The following SULT1B1 variants were observed in gnomAD, a reference collection of about 807,000 sequenced individuals.
The protein encoded by SULT1B1 is sulfotransferase 1B1.
A neutral mutation model predicts 34.6 loss-of-function variants in SULT1B1; 28 were observed. The observed-to-expected ratio is 0.81, with a 90% confidence interval of 0.60 to 1.11. The LOEUF (loss-of-function observed/expected upper bound fraction) is 1.11, where lower values mean the gene tolerates loss of function less well. Ranked by LOEUF, SULT1B1 falls within the 50% of genes least tolerant of loss-of-function variation. The pLI is 0.00. For synonymous variants in SULT1B1, 147 were observed against 110.2 expected, an observed-to-expected ratio of 1.33 and a Z score of -2.09; for missense variants, 374 against 352.2, an observed-to-expected ratio of 1.06 and a Z score of -0.50.
chr4:69,730,789 G>A, intron 6 of SULT1B1, 108 bp from the exon 7 acceptor site: 1 of 936,796 alleles, frequency 1.1e-6, no homozygotes, highest in South Asian at 1.9e-5. Context: ...AATAGTATAG[G>A]AAATCCATAT....
intron 4 of SULT1B1, among the ~76,000 whole-genome samples, chr4:69,736,200 G>A (rs1718303436): frequency 1.3e-5 from 2 of 152,216 alleles, no homozygotes; most frequent in South Asian, 2.1e-4. Context: ...CCCAGTGGTA[G>A]AAATATGAGT....
intron 7 of SULT1B1, among the ~76,000 whole-genome samples, chr4:69,729,678 G>A (rs189311349): frequency 7.2e-5 from 11 of 152,056 alleles, no homozygotes; most frequent in Admixed American, 1.3e-4. Flanking sequence ...CAAAATTGGC[G>A]GTTTTGTTTC....
At chr4:69,729,250 A>G (rs1717962394) in intron 7 of SULT1B1, among the ~76,000 whole-genome samples, 1 of 152,100 alleles carries the variant, frequency 6.6e-6, no homozygotes, top group East Asian at 1.9e-4. Context: ...GGCCAGGTTC[A>G]CTTATATGCA....
intron 3 of SULT1B1, among the ~76,000 whole-genome samples, chr4:69,753,983 G>T (rs985480124): frequency 1.3e-5 from 2 of 152,094 alleles, no homozygotes; most frequent in Admixed American, 1.3e-4. Context: ...GAATCTCTGA[G>T]GCTATTTTGG....
chr4:69,759,858 C>T (rs893906892), intron 1 of SULT1B1, among the ~76,000 whole-genome samples: 1 of 151,976 alleles, frequency 6.6e-6, no homozygotes, highest in Non-Finnish European at 1.5e-5. Flanking sequence ...ATTAAAATGT[C>T]TAAAATTGAC....
intron 4 of SULT1B1, among the ~76,000 whole-genome samples, chr4:69,747,020 G>C (rs968182365): frequency 6.6e-6 from 1 of 152,146 alleles, no homozygotes; most frequent in Non-Finnish European, 1.5e-5. Flanking sequence ...GGGCTAGAGC[G>C]AGAACCTTTG....
At chr4:69,751,254 T>C (rs1051949831) in intron 3 of SULT1B1, among the ~76,000 whole-genome samples, 6 of 152,238 alleles carry the variant, frequency 3.9e-5, no homozygotes, top group Admixed American at 2.6e-4. Context: ...GATGAACTTA[T>C]GTCTGTTTCT....
At chr4:69,734,112 T>C (rs772183088) in intron 5 of SULT1B1, 26 bp downstream of exon 5, 22 of 1,524,126 alleles carry the variant, frequency 1.4e-5, no homozygotes, top group Non-Finnish European at 1.9e-5. Flanking sequence ...AAAATACTTA[T>C]CAATTTTAAG....
At chr4:69,727,717 T>A (rs536811871) in intron 7 of SULT1B1, among the ~76,000 whole-genome samples, 1 of 152,164 alleles carries the variant, frequency 6.6e-6, no homozygotes, top group African/African-American at 2.4e-5. Context: ...TTGTTTTTCC[T>A]AAATTCACTA....
intron 3 of SULT1B1, among the ~76,000 whole-genome samples, chr4:69,750,359 C>A (rs188770689): frequency 6.6e-6 from 1 of 151,970 alleles, no homozygotes; most frequent in Non-Finnish European, 1.5e-5. Context: ...TATGTATAGA[C>A]AGTAAAAATG....
chr4:69,735,471 G>T (rs1718264938), intron 4 of SULT1B1, among the ~76,000 whole-genome samples: 1 of 152,202 alleles, frequency 6.6e-6, no homozygotes, highest in Non-Finnish European at 1.5e-5. Flanking sequence ...ATGAAGTACT[G>T]GGACATTCAA....
At chr4:69,753,498 C>T (rs1719062453) in intron 3 of SULT1B1, among the ~76,000 whole-genome samples, 1 of 152,152 alleles carries the variant, frequency 6.6e-6, no homozygotes, top group African/African-American at 2.4e-5. Context: ...TTAAGAATTA[C>T]AAGTCCTACA....
chr4:69,727,329 C>T (rs1717878883), intron 7 of SULT1B1, 129 bp from the exon 8 acceptor site: 1 of 556,354 alleles, frequency 1.8e-6, no homozygotes, highest in African/African-American at 2.0e-5. Flanking sequence ...TTCAAACAGT[C>T]TTTAAATTGT....
chr4:69,735,621 A>G (rs1718273576), intron 4 of SULT1B1, among the ~76,000 whole-genome samples: 1 of 152,248 alleles, frequency 6.6e-6, no homozygotes, highest in Non-Finnish European at 1.5e-5. Flanking sequence ...GAAGTCCAGG[A>G]AAGTACCTTA....
Position 69,722,573 on chromosome 4 carries a change from A to C in SULT1B1, c.*4515T>G, listed in dbSNP as rs1717689553. ...ATGTTTCTGTGGAACATAAACACAA[A>C]TTATATACTCTAAAATACTTTATAA... On this transcript the variant is annotated 3_prime_UTR_variant, in exon 8 of 8. Coordinates refer to ENST00000310613, the MANE Select transcript of SULT1B1 (RefSeq NM_014465.4). The C allele has an allele frequency of 6.6e-6, 1 of 152,164 alleles. No individual in the cohort carries two copies. Among genetic ancestry groups the C allele is most frequent in the Admixed American group, 6.6e-5 (1 of 15,250 alleles). 9.4% of individuals were successfully genotyped at this position (152,164 alleles called of 1,614,324 possible). A position where few individuals can be genotyped will look rare whatever the true frequency, so the allele number is the denominator to read the frequency against.
intron 4 of SULT1B1, among the ~76,000 whole-genome samples, chr4:69,745,485 T>C (rs1026242760): frequency 1.3e-5 from 2 of 152,348 alleles, no homozygotes; most frequent in East Asian, 1.9e-4. Flanking sequence ...TGATTGTTGG[T>C]TTAAAGTCTC....
At chr4:69,735,586 T>G (rs1287479417) in intron 4 of SULT1B1, among the ~76,000 whole-genome samples, 2 of 152,102 alleles carry the variant, frequency 1.3e-5, no homozygotes, top group Non-Finnish European at 2.9e-5. Context: ...TCTCCAATTT[T>G]CAAAAAGTCA....
chr4:69,729,356 C>T (rs546341367), intron 7 of SULT1B1, among the ~76,000 whole-genome samples: 26 of 152,058 alleles, frequency 1.7e-4, no homozygotes, highest in African/African-American at 6.3e-4. Context: ...TAGGCAGGTT[C>T]TAGTATATTC....
chr4:69,748,210 A>C (rs1211188497), intron 4 of SULT1B1, among the ~76,000 whole-genome samples: 1 of 152,218 alleles, frequency 6.6e-6, no homozygotes, highest in Non-Finnish European at 1.5e-5. Context: ...TGCAAACATT[A>C]ATCAGTAAAA....
Sources: gnomAD v4.1 joint callset for allele counts (sites outside exome capture counted in the v4.1 genomes callset) on GRCh38, gnomAD v4.1.1 for gene constraint, MANE v1.5 for transcripts, NCBI Gene and HGNC (gene_info 2026-07-23, HGNC 2026-07-21) for gene names.